Variants in MKRN2 observed in about 807,000 individuals in gnomAD.
The protein encoded by MKRN2 is makorin ring finger protein 2, also known as E3 ubiquitin-protein ligase makorin-2.
Under a neutral mutation model 45.4 loss-of-function variants are expected in MKRN2, and 32 were observed. The observed-to-expected ratio is 0.70, with a 90% CI of 0.53 to 0.95. The LOEUF (loss-of-function observed/expected upper bound fraction) is 0.95, where lower values mean the gene tolerates loss of function less well. Ranked by LOEUF, MKRN2 falls within the 40% of genes least tolerant of loss-of-function variation. MKRN2 has a pLI of 0.00. For missense variants in MKRN2, 526 were observed against 536.7 expected (o/e 0.98, Z 0.20); for synonymous variants, 206 against 192.4 (o/e 1.07, Z -0.59).
At chr3:12,575,060 G>C in intron 5 of MKRN2, 54 bp downstream of exon 5, 2 of 1,535,566 alleles carry the variant, frequency 1.3e-6, no homozygotes, top group Non-Finnish European at 1.8e-6. Flanking sequence ...TTTGATTTGA[G>C]ACTTTATTCC....
At chr3:12,570,669 G>C (rs2058093055) in intron 3 of MKRN2, among the ~76,000 whole-genome samples, 1 of 151,920 alleles carries the variant, frequency 6.6e-6, no homozygotes, top group Non-Finnish European at 1.5e-5. Context: ...CTGAGGTCAG[G>C]AGTTCGAGAC....
intron 1 of MKRN2, among the ~76,000 whole-genome samples, chr3:12,568,528 T>TG (rs1227039895): frequency 6.6e-6 from 1 of 152,278 alleles, no homozygotes; most frequent in Non-Finnish European, 1.5e-5. Context: ...TCGTTAGTCA[T>TG]GCCCTTTAAG....
intron 4 of MKRN2, among the ~76,000 whole-genome samples, chr3:12,572,647 A>C (rs2058106762): frequency 6.6e-6 from 1 of 151,428 alleles, no homozygotes; most frequent in African/African-American, 2.4e-5. Flanking sequence ...ACAGTGGTGC[A>C]ATCTCGGCTC....
chr3:12,572,180 C>A lies in MKRN2; in HGVS notation c.449C>A (p.Ala150Asp). 1.2e-6 allele frequency: 2 copies of A among 1,614,088 alleles called. No homozygotes were observed. The highest frequency in any genetic ancestry group is 1.7e-6 in the Non-Finnish European group (2 of 1,180,012). The change falls in exon 4 of 8, where the codon GCC becomes GAC. Residue 150 changes from alanine (A) to aspartate (D), a missense_variant. Ala to Asp is a moderately radical substitution (Grantham distance 126, BLOSUM62 -2). Coordinates refer to ENST00000170447, the MANE Select transcript of MKRN2 (RefSeq NM_014160.5). Reference sequence around the variant, plus strand: ...ATGAAGCCGCATTCCTACCTGGATGCCATCAGGAGTGGCCTTGATGACGTG... The same window carrying A: ...ATGAAGCCGCATTCCTACCTGGATGACATCAGGAGTGGCCTTGATGACGTG... ...PEMKPHSYLD[A>D]IRSGLDDVEA... is the part of the protein sequence containing the mutation.
rs1210163758 is a variant in MKRN2 at position 12,583,031 on chromosome 3, C to T, written c.*778C>T. 2 of 152,256 alleles carry T rather than the reference C, an allele frequency of 1.3e-5. No individual in the cohort carries two copies. The highest frequency in any genetic ancestry group is 2.9e-5 in the Non-Finnish European group (2 of 68,080). The allele number at this position is 152,256 out of a possible 1,614,324, so 9.4% of individuals were successfully genotyped here. A position where few individuals can be genotyped will look rare whatever the true frequency, so the allele number is the denominator to read the frequency against. ...TAGGGGAACCAAGCCTCTGCTCTCA[C>T]CTGTGGGTTCTTGCCCATCAGGGTA... On this transcript the variant is annotated 3_prime_UTR_variant, in exon 8 of 8. Transcript: ENST00000170447.
chr3:12,572,033 A>G (rs374993078), intron 3 of MKRN2, 36 bp from the exon 4 acceptor site: 14 of 1,528,394 alleles, frequency 9.2e-6, no homozygotes, highest in African/African-American at 8.3e-5. Context: ...AAATGGGGCC[A>G]TTTTCATGTG....
intron 6 of MKRN2, among the ~76,000 whole-genome samples, chr3:12,577,790 C>T (rs1204498029): frequency 6.6e-6 from 1 of 152,080 alleles, no homozygotes. Flanking sequence ...ATTCTCCTGC[C>T]TCAGCCTCCC....
chr3:12,564,886 G>C (rs1237069582), intron 1 of MKRN2, among the ~76,000 whole-genome samples: 1 of 152,166 alleles, frequency 6.6e-6, no homozygotes, highest in East Asian at 1.9e-4. Context: ...GTGGTCTTTT[G>C]TGTCCAGCTT....
intron 6 of MKRN2, 98 bp from the exon 7 acceptor site, chr3:12,581,710 C>T: frequency 7.3e-7 from 1 of 1,377,326 alleles, no homozygotes; most frequent in South Asian, 1.3e-5. Flanking sequence ...GCTGACCTAC[C>T]TCTGGCGTAA....
intron 6 of MKRN2, 67 bp downstream of exon 6, chr3:12,576,808 G>A (rs1468089817): frequency 1.9e-5 from 22 of 1,168,572 alleles, no homozygotes; most frequent in East Asian, 2.4e-5. Context: ...CCGTGTCCTC[G>A]TTCTCCTTCC....
Position 12,582,559 on chromosome 3 carries a change from A to G in MKRN2, c.*306A>G. ...TTGGATTGATTGCTTTAAAAAACAA[A>G]CCTGGCTCTTACCTTTGATCTTTTC... On this transcript the variant is annotated 3_prime_UTR_variant, in exon 8 of 8. Transcript: ENST00000170447. 3.6e-6 allele frequency: 1 copy of G among 276,774 alleles called. No homozygotes were observed. Among genetic ancestry groups the G allele is most frequent in the Non-Finnish European group, 6.9e-6 (1 of 145,240 alleles). The allele number at this position is 276,774 out of a possible 1,614,324, so 17.1% of individuals were successfully genotyped here. A position where few individuals can be genotyped will look rare whatever the true frequency, so the allele number is the denominator to read the frequency against.
At position 12,582,375 on chromosome 3, in the gene MKRN2, G is replaced by T; in HGVS notation, c.*122G>T. On this transcript the variant is annotated 3_prime_UTR_variant, in exon 8 of 8. Coordinates refer to ENST00000170447, the MANE Select transcript of MKRN2 (RefSeq NM_014160.5). ...GTGACTTGGATTTGAGTGGAGTTGG[G>T]CTTAGCCTTAGTCTCATTCAATCTC... is the stretch of plus-strand genomic sequence containing the variant. The T allele has an allele frequency of 1.5e-6, 2 of 1,297,890 alleles. No individual in the cohort carries two copies. The highest frequency in any genetic ancestry group is 2.6e-5 in the South Asian group (2 of 75,772). The allele number at this position is 1,297,890 out of a possible 1,614,324, so 80.4% of individuals were successfully genotyped here. A position where few individuals can be genotyped will look rare whatever the true frequency, so the allele number is the denominator to read the frequency against.
In MKRN2 at chr3:12,582,593, A is replaced by AAAT. The variant is rs1443674705; in HGVS notation, c.*342_*344dup. On this transcript the variant is annotated 3_prime_UTR_variant, in exon 8 of 8. Transcript: ENST00000170447. ...TTACCTTTGATCTTTTCTTCCCCAG[A>AAAT]AATAGTAAACTTGCAGCTGCCCCTA... 9.0e-6 allele frequency: 2 copies of AAAT among 223,216 alleles called. No homozygotes were observed. The highest frequency in any genetic ancestry group is 4.5e-5 in the African/African-American group (2 of 44,784). The allele number at this position is 223,216 out of a possible 1,614,324, so 13.8% of individuals were successfully genotyped here. A position where few individuals can be genotyped will look rare whatever the true frequency, so the allele number is the denominator to read the frequency against.
At chr3:12,576,295 A>G (rs1260919062) in intron 5 of MKRN2, among the ~76,000 whole-genome samples, 2 of 151,160 alleles carry the variant, frequency 1.3e-5, no homozygotes, top group South Asian at 2.1e-4. Context: ...ATGGGTATCC[A>G]TGTGCCACGG....
chr3:12,568,623 A>C (rs972437432), intron 1 of MKRN2, among the ~76,000 whole-genome samples: 1 of 152,212 alleles, frequency 6.6e-6, no homozygotes. Context: ...AATCAGGAAG[A>C]TATATCTTCA....
rs763909962 is a variant in MKRN2, at chr3:12,574,835, C to T, written c.686C>T (p.Ala229Val). Residue 229 changes from alanine to valine, a missense_variant, in exon 5 of 8, where the codon GCC (alanine) becomes GTC (valine). Ala to Val is a moderately conservative substitution (Grantham distance 64, BLOSUM62 0). Coordinates refer to ENST00000170447, the MANE Select transcript of MKRN2 (RefSeq NM_014160.5). ...GAACACGAGATGGAAAAGGCCTTTG[C>T]CTTCCAGGCAAGCCAGGACAAAGTG... Reference protein sequence around the residue: ...TFEHEMEKAFAFQASQDKVCS... With the variant: ...TFEHEMEKAFVFQASQDKVCS... 11 of 1,614,136 alleles carry T rather than the reference C, an allele frequency of 6.8e-6. No individual in the cohort carries two copies. The South Asian group carries it at 1.1e-4, about 16-fold the overall frequency.
intron 6 of MKRN2, among the ~76,000 whole-genome samples, chr3:12,580,979 G>C (rs961915179): frequency 1.3e-5 from 2 of 152,034 alleles, no homozygotes; most frequent in African/African-American, 4.8e-5. Flanking sequence ...TGTACTCCGA[G>C]ATGGCCCTCT....
chr3:12,563,434 C>G (rs987499912), intron 1 of MKRN2, among the ~76,000 whole-genome samples: 19 of 150,564 alleles, frequency 1.3e-4, no homozygotes, highest in Non-Finnish European at 2.5e-4. Context: ...CTGGGCCTCT[C>G]GGGCCTCCCT....
Position 12,557,189 on chromosome 3 carries a change from G to A in MKRN2, c.26+13G>A. On this transcript the variant is annotated intron_variant, in intron 1 of 7. Coordinates refer to ENST00000170447, the MANE Select transcript of MKRN2 (RefSeq NM_014160.5). ...AGATCACTTGCAGGTCAGTGCGCTGGAGCCAGGAGCTTCGGGCCGCTCCCC... is the reference window on the plus strand; with the variant it reads ...AGATCACTTGCAGGTCAGTGCGCTGAAGCCAGGAGCTTCGGGCCGCTCCCC... 6.5e-7 allele frequency: 1 copy of A among 1,534,868 alleles called. No homozygotes were observed. Among genetic ancestry groups the A allele is most frequent in the South Asian group, 1.2e-5 (1 of 82,504 alleles).
Sources: allele counts gnomAD v4.1 joint callset (sites outside exome capture counted in the v4.1 genomes callset), GRCh38; gene constraint gnomAD v4.1.1; transcripts MANE v1.5; gene names NCBI Gene and HGNC (gene_info 2026-07-23, HGNC 2026-07-21).